Variants in CA10 observed in about 807,000 individuals in gnomAD.
The protein encoded by CA10 is carbonic anhydrase-related protein 10.
Under a neutral mutation model 44.2 loss-of-function variants are expected in CA10, and 14 were observed. The observed-to-expected ratio is 0.32, with a 90% CI of 0.21 to 0.50. CA10 has a LOEUF of 0.50. Ranked by LOEUF, CA10 falls within the 20% of genes least tolerant of loss-of-function variation. CA10 has a pLI of 0.99. For synonymous variants in CA10, 159 were observed against 141.6 expected, an observed-to-expected ratio of 1.12 and a Z score of -0.87; for missense variants, 350 against 409.7, an observed-to-expected ratio of 0.85 and a Z score of 1.26.
chr17:51,865,886 T>TCA (rs1259340310), intron 3 of CA10, among the ~76,000 whole-genome samples: 2 of 152,188 alleles, frequency 1.3e-5, no homozygotes, highest in African/African-American at 2.4e-5. Context: ...AGACAAATAT[T>TCA]CACAGAGGAA....
At chr17:51,754,330 A>C (rs1905001468) in intron 3 of CA10, among the ~76,000 whole-genome samples, 1 of 145,492 alleles carries the variant, frequency 6.9e-6, no homozygotes, top group African/African-American at 2.5e-5. Flanking sequence ...GTACATATAT[A>C]TGTATAAAGA....
At chr17:52,005,438 T>C (rs1308553975) in intron 2 of CA10, among the ~76,000 whole-genome samples, 1 of 151,954 alleles carries the variant, frequency 6.6e-6, no homozygotes, top group Non-Finnish European at 1.5e-5. Context: ...GGCTACTCCC[T>C]GGCCAAAGAG....
intron 2 of CA10, among the ~76,000 whole-genome samples, chr17:52,065,184 G>C (rs892360160): frequency 6.6e-6 from 1 of 152,156 alleles, no homozygotes; most frequent in African/African-American, 2.4e-5. Context: ...CACTAGCAAC[G>C]TCCTTCCTTA....
intron 2 of CA10, among the ~76,000 whole-genome samples, chr17:52,005,292 A>G (rs991481855): frequency 6.6e-6 from 1 of 151,974 alleles, no homozygotes; most frequent in Admixed American, 6.6e-5. Flanking sequence ...CTTCCACATT[A>G]CTGTTGTGAC....
chr17:52,085,858 G>A (rs1988103966), intron 1 of CA10, among the ~76,000 whole-genome samples: 1 of 151,976 alleles, frequency 6.6e-6, no homozygotes, highest in African/African-American at 2.4e-5. Context: ...ACTTTTACTG[G>A]AATATCATAT....
chr17:51,990,393 T>C (rs189430598), intron 2 of CA10, among the ~76,000 whole-genome samples: 71 of 151,710 alleles, frequency 4.7e-4, no homozygotes, highest in African/African-American at 1.6e-3. Context: ...AATTCTATAA[T>C]ATCCAAACAG....
rs111455973 is a variant in CA10 at position 51,747,929 on chromosome 17, G to A, written c.280-111C>T. On this transcript the variant is annotated intron_variant, in intron 3 of 8. Transcript: ENST00000451037. ...TTTGCTTCCTCTTGATGGGAAGATG[G>A]GCTAAATCCACATGTGGAGTAGGGC... 7 of 767,130 alleles carry A rather than the reference G, an allele frequency of 9.1e-6. 1 individual carries two copies. Among genetic ancestry groups the A allele is most frequent in the African/African-American group, 7.0e-5 (4 of 57,362 alleles). The allele number at this position is 767,130 out of a possible 1,614,324, so 47.5% of individuals were successfully genotyped here.
intron 4 of CA10, among the ~76,000 whole-genome samples, chr17:51,654,159 G>A (rs532641601): frequency 6.6e-5 from 10 of 152,334 alleles, no homozygotes; most frequent in African/African-American, 2.2e-4. Context: ...GGAGCAAACA[G>A]GGAGCTGTTA....
chr17:51,785,401 T>C (rs1429230891), intron 3 of CA10, among the ~76,000 whole-genome samples: 5 of 152,064 alleles, frequency 3.3e-5, no homozygotes, highest in African/African-American at 9.7e-5. Context: ...AAATAGTAAA[T>C]AGAAATATAA....
intron 1 of CA10, among the ~76,000 whole-genome samples, chr17:52,091,417 C>G (rs1237995235): frequency 6.6e-6 from 1 of 151,988 alleles, no homozygotes; most frequent in Non-Finnish European, 1.5e-5. Flanking sequence ...TGAGTTTTCC[C>G]AACATTAAGA....
At chr17:51,760,171 A>G (rs1330655820) in intron 3 of CA10, among the ~76,000 whole-genome samples, 1 of 152,220 alleles carries the variant, frequency 6.6e-6, no homozygotes, top group Non-Finnish European at 1.5e-5. Context: ...ATCCTTCTTA[A>G]CATTCCCCGT....
chr17:51,891,691 G>A (rs2143910926), intron 3 of CA10, among the ~76,000 whole-genome samples: 2 of 152,326 alleles, frequency 1.3e-5, no homozygotes, highest in Middle Eastern at 6.8e-3. Flanking sequence ...GAGGCAGGCA[G>A]GTGAGGGTTG....
At chr17:52,145,865 T>C (rs978307418) in intron 1 of CA10, among the ~76,000 whole-genome samples, 2 of 152,162 alleles carry the variant, frequency 1.3e-5, no homozygotes, top group African/African-American at 4.8e-5. Flanking sequence ...CTTCATACTG[T>C]TTGACCCAAT....
At chr17:51,989,162 T>C (rs887128821) in intron 2 of CA10, among the ~76,000 whole-genome samples, 3 of 151,970 alleles carry the variant, frequency 2.0e-5, no homozygotes, top group Non-Finnish European at 2.9e-5. Context: ...TCTTTTTTTT[T>C]TTTTTTTAAC....
At chr17:51,899,136 G>C (rs1010909055) in intron 3 of CA10, among the ~76,000 whole-genome samples, 1 of 151,904 alleles carries the variant, frequency 6.6e-6, no homozygotes, top group African/African-American at 2.4e-5. Flanking sequence ...GAGATGTTAG[G>C]TTGTTAATTT....
intron 3 of CA10, among the ~76,000 whole-genome samples, chr17:51,863,919 C>T (rs974848293): frequency 1.5e-4 from 23 of 152,154 alleles, no homozygotes; most frequent in African/African-American, 5.3e-4. Flanking sequence ...TTTATTGAGG[C>T]TTAATTGTGT....
intron 1 of CA10, among the ~76,000 whole-genome samples, chr17:52,084,772 G>T (rs532677270): frequency 6.6e-6 from 1 of 151,522 alleles, no homozygotes; most frequent in Admixed American, 6.6e-5. Context: ...TCCTTAACAA[G>T]GAAAACTCTG....
intron 3 of CA10, among the ~76,000 whole-genome samples, chr17:51,766,587 CT>C (rs1471917269): frequency 6.6e-6 from 1 of 152,158 alleles, no homozygotes; most frequent in Non-Finnish European, 1.5e-5. Flanking sequence ...GCTGGGCAAT[CT>C]ATCTATTTGC....
intron 2 of CA10, among the ~76,000 whole-genome samples, chr17:51,994,267 CT>C (rs768543953): frequency 1.3e-5 from 2 of 151,722 alleles, no homozygotes; most frequent in Non-Finnish European, 1.5e-5. Flanking sequence ...TTTTTTCCCC[CT>C]ATGACTTGGA....
Sources: allele counts gnomAD v4.1 joint callset (sites outside exome capture counted in the v4.1 genomes callset), GRCh38; gene constraint gnomAD v4.1.1; transcripts MANE v1.5; gene names NCBI Gene and HGNC (gene_info 2026-07-23, HGNC 2026-07-21).